The following EFHC2 variants were observed in gnomAD, a reference collection of about 807,000 sequenced individuals.
EFHC2 encodes EF-hand domain containing 2, also known as EF-hand domain-containing family member C2.
Under a neutral mutation model 52.7 loss-of-function variants are expected in EFHC2, and 18 were observed. The observed-to-expected ratio is 0.34, with a 90% confidence interval of 0.24 to 0.51. The LOEUF (loss-of-function observed/expected upper bound fraction) is 0.51. EFHC2 is among the 20% of genes least tolerant of loss of function. The pLI, the probability that EFHC2 is intolerant of heterozygous loss-of-function variation, is 0.97. For missense variants in EFHC2, 513 were observed against 562.5 expected, an observed-to-expected ratio of 0.91 and a Z score of 0.89; for synonymous variants, 203 against 204.1, an observed-to-expected ratio of 0.99 and a Z score of 0.04.
At chrX:44,204,234 C>CAAAAA (rs61512189) in intron 11 of EFHC2, among the ~76,000 whole-genome samples, 3 of 55,458 alleles carry the variant, frequency 5.4e-5, no homozygotes, top group Non-Finnish European at 1.0e-4. Flanking sequence ...GTAGCAAACC[C>CAAAAA]AAAAAAAAAA....
intron 11 of EFHC2, among the ~76,000 whole-genome samples, chrX:44,201,757 G>A (rs1404848704): frequency 8.9e-6 from 1 of 111,873 alleles, no homozygotes; most frequent in Non-Finnish European, 1.9e-5. Context: ...TTTACAAGCT[G>A]CTTTAAGAAA....
intron 2 of EFHC2, chrX:44,284,374 T>G (rs1569300881): frequency 9.0e-6 from 1 of 111,448 alleles, no homozygotes; most frequent in African/African-American, 3.3e-5. Flanking sequence ...AATTTACAGC[T>G]GGAAGTGAGG....
intron 10 of EFHC2, 73 bp from the exon 11 acceptor site, chrX:44,229,852 G>A: frequency 9.8e-7 from 1 of 1,016,336 alleles, no homozygotes; most frequent in Non-Finnish European, 1.3e-6. Context: ...CTTGCTGATG[G>A]CCAGCAAAGG....
chrX:44,317,401 G>A (rs1214143900), intron 1 of EFHC2, among the ~76,000 whole-genome samples: 2 of 112,322 alleles, frequency 1.8e-5, no homozygotes, highest in South Asian at 3.7e-4. Context: ...AGTTGACCAC[G>A]ACCCTCATTT....
At chrX:44,220,079 A>C (rs2037182113) in intron 11 of EFHC2, among the ~76,000 whole-genome samples, 1 of 112,354 alleles carries the variant, frequency 8.9e-6, no homozygotes, top group Non-Finnish European at 1.9e-5. Flanking sequence ...TCAAGGAATG[A>C]AGCATACTCC....
At chrX:44,289,310 C>G (rs2037774961) in intron 2 of EFHC2, among the ~76,000 whole-genome samples, 1 of 111,614 alleles carries the variant, frequency 9.0e-6, no homozygotes, top group South Asian at 3.7e-4. Context: ...TCTTAATTGA[C>G]TAGCAATTAA....
At chrX:44,154,852 AT>A (rs1410759430) in intron 14 of EFHC2, among the ~76,000 whole-genome samples, 9 of 111,808 alleles carry the variant, frequency 8.0e-5, no homozygotes, top group African/African-American at 2.6e-4. Context: ...CCCAAAAATG[AT>A]TTACACTTAA....
chrX:44,179,164 G>A (rs2036814375), intron 11 of EFHC2, among the ~76,000 whole-genome samples: 1 of 109,727 alleles, frequency 9.1e-6, no homozygotes, highest in Non-Finnish European at 1.9e-5. Context: ...GAGATTATTA[G>A]GCAGAGCTAA....
intron 2 of EFHC2, among the ~76,000 whole-genome samples, chrX:44,281,361 C>G (rs1043895740): frequency 1.3e-4 from 15 of 112,211 alleles, no homozygotes; most frequent in African/African-American, 4.9e-4. Context: ...TAGTACAATA[C>G]CACAGTAACA....
At chrX:44,296,289 C>T (rs2037825412) in intron 2 of EFHC2, among the ~76,000 whole-genome samples, 2 of 111,564 alleles carry the variant, frequency 1.8e-5, no homozygotes, top group Non-Finnish European at 3.8e-5. Context: ...AGCTTCAATT[C>T]ATAAAGCTGA....
rs2037415917 is a variant in EFHC2, at chrX:44,248,322, T to C, written c.1061A>G (p.Tyr354Cys). The change falls in exon 7 of 15, where the codon TAT (tyrosine) becomes TGT (cysteine). Residue 354 changes from tyrosine (Y) to cysteine (C), a missense_variant. Tyr to Cys is a radical substitution (Grantham distance 194). Transcript: ENST00000420999. ...AGACTTCGTAAATTCATCACAGTCA[T>C]AAAGGAGCACTTTTCTTCCCCACAC... is the stretch of plus-strand genomic sequence containing the variant. The part of the protein sequence containing the change: ...INVWGRKVLL[Y>C]DCDEFTKSYY... The C allele has an allele frequency of 4.3e-6, 5 of 1,166,395 alleles. No homozygotes were observed. Among genetic ancestry groups the C allele is most frequent in the Admixed American group, 2.6e-5 (1 of 38,915 alleles).
At chrX:44,304,178 G>C (rs766903107) in intron 2 of EFHC2, among the ~76,000 whole-genome samples, 71 of 107,009 alleles carry the variant, frequency 6.6e-4, no homozygotes, top group African/African-American at 2.4e-3. Context: ...TAATGAAGTA[G>C]TGGGTGCCTG....
chrX:44,157,732 C>T (rs764982753), intron 14 of EFHC2, among the ~76,000 whole-genome samples: 134 of 74,119 alleles, frequency 1.8e-3, no homozygotes, highest in African/African-American at 8.1e-3. Context: ...TCCCTGAGTG[C>T]TCCACCCCCC....
rs1242507598 is a variant in EFHC2 at position 44,283,484 on chromosome X, TCGGAAGCACTTTGACTCCC to T, written c.232-10667_232-10649del. On this transcript the variant is annotated intron_variant, in intron 2 of 14. Coordinates refer to ENST00000420999, the MANE Select transcript of EFHC2 (RefSeq NM_025184.4). ...GGCGTAAGCCACGGCGCACGGCCGATCGGAAGCACTTTGACTCCCCGGAAGCACTTTGACTCCACGGAAG... is the reference window on the plus strand; with the variant it reads ...GGCGTAAGCCACGGCGCACGGCCGATCGGAAGCACTTTGACTCCACGGAAG... Among the ~76,000 whole-genome samples, 12 of 109,997 alleles carry T rather than the reference TCGGAAGCACTTTGACTCCC, an allele frequency of 1.1e-4. No homozygotes were observed. In the South Asian group the frequency reaches 1.5e-3, roughly 14 times the overall value.
chrX:44,286,456 G>C (rs991536857), intron 2 of EFHC2, among the ~76,000 whole-genome samples: 2 of 111,749 alleles, frequency 1.8e-5, no homozygotes, highest in African/African-American at 6.5e-5. Context: ...ACAATGGGAT[G>C]GCAGGAGGGT....
intron 11 of EFHC2, among the ~76,000 whole-genome samples, chrX:44,226,628 T>C (rs750314578): frequency 9.0e-6 from 1 of 110,898 alleles, no homozygotes; most frequent in South Asian, 3.9e-4. Context: ...CTTGAAGAAC[T>C]AGCATGGACA....
At position 44,223,840 on chromosome X, in the gene EFHC2, C is replaced by G. The variant is rs369198072; in HGVS notation, c.1751+5809G>C. Among the ~76,000 whole-genome samples the G allele has an allele frequency of 2.4e-4, 27 of 111,767 alleles. No homozygotes were observed. In the South Asian group the frequency reaches 0.01, roughly 42 times the overall value. On this transcript the variant is annotated intron_variant, in intron 11 of 14. Transcript: ENST00000420999. ...GTTTTTGCTTTTGTTCATATAGATT[C>G]ATAGACTAGTGGCTTCCTTAAAAGA...
chrX:44,150,599 A>T (rs957960293), intron 14 of EFHC2, among the ~76,000 whole-genome samples: 5 of 111,877 alleles, frequency 4.5e-5, no homozygotes, highest in Admixed American at 9.5e-5. Context: ...AGAGAATGAC[A>T]TGAAGTAAGA....
chrX:44,246,070 G>A (rs1288621647), intron 7 of EFHC2, among the ~76,000 whole-genome samples: 1 of 112,028 alleles, frequency 8.9e-6, no homozygotes, highest in African/African-American at 3.3e-5. Flanking sequence ...TGATTGATGG[G>A]ACTTTGTCCT....
Sources: gnomAD v4.1 joint callset for allele counts (sites outside exome capture counted in the v4.1 genomes callset) on GRCh38, gnomAD v4.1.1 for gene constraint, MANE v1.5 for transcripts, NCBI Gene and HGNC (gene_info 2026-07-23, HGNC 2026-07-21) for gene names.